TENM2: variants seen among roughly 807,000 people sequenced by gnomAD.
TENM2 encodes teneurin transmembrane protein 2.
A neutral mutation model predicts 245.2 loss-of-function variants in TENM2; 52 were observed. That is an observed-to-expected ratio of 0.21 (90% CI 0.17 to 0.27). The LOEUF (loss-of-function observed/expected upper bound fraction) is 0.27, where lower values mean the gene tolerates loss of function less well. Among genes scored for constraint, TENM2 ranks in the 10% least tolerant of loss-of-function variants. The pLI, the probability that TENM2 is intolerant of heterozygous loss-of-function variation, is 1.00. For synonymous variants in TENM2, 1,363 were observed against 1,438.9 expected (o/e 0.95, Z 1.19); for missense variants, 3,046 against 3,666.8 (o/e 0.83, Z 4.37).
chr5:167,430,662 T>A (rs1368140523), intron 2 of TENM2, among the ~76,000 whole-genome samples: 4 of 152,110 alleles, frequency 2.6e-5, no homozygotes, highest in Non-Finnish European at 4.4e-5. Flanking sequence ...GCAGCAAAAA[T>A]CAAAACAAAC....
chr5:167,606,922 G>A (rs1053229064), intron 2 of TENM2, among the ~76,000 whole-genome samples: 5 of 152,158 alleles, frequency 3.3e-5, no homozygotes, highest in African/African-American at 1.2e-4. Flanking sequence ...AGCTTCAGGT[G>A]AAATCAGTAT....
intron 2 of TENM2, among the ~76,000 whole-genome samples, chr5:167,451,839 C>T (rs1210591031): frequency 6.6e-6 from 1 of 151,996 alleles, no homozygotes; most frequent in Non-Finnish European, 1.5e-5. Flanking sequence ...TTAGTAGAGA[C>T]AGGGTTTCAC....
At chr5:167,448,460 C>T (rs1214211235) in intron 2 of TENM2, among the ~76,000 whole-genome samples, 1 of 150,206 alleles carries the variant, frequency 6.7e-6, no homozygotes, top group African/African-American at 2.5e-5. Context: ...TTAAACTAAA[C>T]ATAACGGATG....
chr5:167,590,947 T>C (rs1167414920), intron 2 of TENM2, among the ~76,000 whole-genome samples: 3 of 152,212 alleles, frequency 2.0e-5, no homozygotes, highest in Non-Finnish European at 4.4e-5. Context: ...GTTAACAAAA[T>C]GTTCATGATA....
At chr5:167,865,644 C>T (rs182457762) in intron 2 of TENM2, among the ~76,000 whole-genome samples, 73 of 151,990 alleles carry the variant, frequency 4.8e-4, no homozygotes, top group African/African-American at 1.8e-3. Context: ...GGTCGCGCTA[C>T]CATGCCTGAA....
At chr5:167,587,281 G>C (rs576687031) in intron 2 of TENM2, among the ~76,000 whole-genome samples, 1 of 152,062 alleles carries the variant, frequency 6.6e-6, no homozygotes, top group South Asian at 2.1e-4. Context: ...GGAGTATTTC[G>C]ATGATTCTTG....
chr5:167,430,755 C>G (rs1489775171), intron 2 of TENM2, among the ~76,000 whole-genome samples: 2 of 152,172 alleles, frequency 1.3e-5, no homozygotes, highest in Non-Finnish European at 2.9e-5. Context: ...CCGTTAAACT[C>G]TACTGTGACA....
At chr5:167,147,375 C>T in the TENM2 span, among the ~76,000 whole-genome samples, 1 of 152,066 alleles carries the variant, frequency 6.6e-6, no homozygotes, top group African/African-American at 2.4e-5. Flanking sequence ...GACTGATTAT[C>T]TCTGATGATG....
chr5:168,205,350 C>G (rs1762271062), intron 19 of TENM2, among the ~76,000 whole-genome samples: 1 of 151,748 alleles, frequency 6.6e-6, no homozygotes, highest in African/African-American at 2.4e-5. Flanking sequence ...AACAAAGCAC[C>G]TGTTGTTGTG....
chr5:167,854,148 T>C (rs969818014), intron 2 of TENM2, among the ~76,000 whole-genome samples: 4 of 152,124 alleles, frequency 2.6e-5, no homozygotes, highest in Admixed American at 1.3e-4. Context: ...AAAGATGCTG[T>C]ATTAATATTT....
At chr5:167,366,038 G>T (rs1404770045) in intron 1 of TENM2, among the ~76,000 whole-genome samples, 1 of 151,854 alleles carries the variant, frequency 6.6e-6, no homozygotes, top group South Asian at 2.1e-4. Context: ...GGTAGAAATT[G>T]ATAAACTAAA....
At chr5:168,097,324 T>C (rs1346658970) in intron 8 of TENM2, among the ~76,000 whole-genome samples, 1 of 152,166 alleles carries the variant, frequency 6.6e-6, no homozygotes. Context: ...GGGGGGTGGT[T>C]GTGGGTACAG....
the TENM2 span, among the ~76,000 whole-genome samples, chr5:167,241,266 A>C: frequency 1.1e-4 from 16 of 152,204 alleles, no homozygotes; most frequent in Admixed American, 9.2e-4. Flanking sequence ...GTTAGAAGTA[A>C]AACAATGGCA....
intron 3 of TENM2, among the ~76,000 whole-genome samples, chr5:167,903,585 G>T (rs1162277605): frequency 2.0e-5 from 3 of 152,166 alleles, no homozygotes; most frequent in Non-Finnish European, 4.4e-5. Context: ...GCAGGGAAAA[G>T]GATCTAAGAC....
intron 2 of TENM2, among the ~76,000 whole-genome samples, chr5:167,486,978 T>A (rs1768113726): frequency 6.6e-6 from 1 of 152,212 alleles, no homozygotes; most frequent in African/African-American, 2.4e-5. Flanking sequence ...AAAATGTACA[T>A]ATGTACATAC....
chr5:167,078,531 G>A, the TENM2 span, among the ~76,000 whole-genome samples: 1 of 150,666 alleles, frequency 6.6e-6, no homozygotes, highest in Admixed American at 6.6e-5. Flanking sequence ...AACAAGGCAC[G>A]TTAATAAGGA....
the TENM2 span, among the ~76,000 whole-genome samples, chr5:167,133,616 TG>T: frequency 0.017 from 279 of 16,884 alleles, 4 homozygotes; most frequent in African/African-American, 0.067. Flanking sequence ...CACTCAAACT[TG>T]GAAAAAAAAA....
chr5:167,435,848 A>G (rs1764519124), intron 2 of TENM2, among the ~76,000 whole-genome samples: 1 of 151,258 alleles, frequency 6.6e-6, no homozygotes, highest in African/African-American at 2.4e-5. Context: ...AGCAAAGGTG[A>G]CTCTTGTTAT....
chr5:167,366,724 C>A (rs1416544943), intron 1 of TENM2, among the ~76,000 whole-genome samples: 1 of 152,102 alleles, frequency 6.6e-6, no homozygotes, highest in Non-Finnish European at 1.5e-5. Context: ...CATTTTGAAG[C>A]CTTCAGTAAC....
Sources: allele counts gnomAD v4.1 joint callset (sites outside exome capture counted in the v4.1 genomes callset), GRCh38; gene constraint gnomAD v4.1.1; transcripts MANE v1.5; gene names NCBI Gene and HGNC (gene_info 2026-07-23, HGNC 2026-07-21).